The following DYSF variants were observed in gnomAD, a reference collection of about 807,000 sequenced individuals.
The protein encoded by DYSF is dysferlin, also known as dystrophy-associated fer-1-like 1.
Under a neutral mutation model 274.9 loss-of-function variants are expected in DYSF, and 212 were observed. The observed-to-expected ratio is 0.77, with a 90% CI of 0.69 to 0.86. DYSF has a LOEUF of 0.86. DYSF is among the 40% of genes least tolerant of loss of function. DYSF has a pLI of 0.00. For synonymous variants in DYSF, 1,091 were observed against 1,078.7 expected (o/e 1.01, Z -0.22); for missense variants, 2,666 against 2,783.2 (o/e 0.96, Z 0.95).
intron 14 of DYSF, among the ~76,000 whole-genome samples, chr2:71,533,084 A>G (rs1441686222): frequency 6.6e-6 from 1 of 152,080 alleles, no homozygotes; most frequent in Non-Finnish European, 1.5e-5. Context: ...CAGTGGTGCA[A>G]TCTCCGCTCA....
rs116329230 is a variant in DYSF at position 71,550,450 on chromosome 2, G to A, written c.1577-591G>A. On this transcript the variant is annotated intron_variant, in intron 17 of 55. Coordinates refer to ENST00000410020, the MANE Select transcript of DYSF (RefSeq NM_001130987.2). ...GGAGATTCTGGGATAAGGCAAGGCC[G>A]TTAGGGCAGAGGGTATGTGCCTGGG... is the stretch of plus-strand genomic sequence containing the variant. Among the ~76,000 whole-genome samples the A allele has an allele frequency of 9.5e-3, 1,453 of 152,310 alleles. 23 individuals carry two copies. Among genetic ancestry groups the A allele is most frequent in the African/African-American group, 0.033 (1,388 of 41,560 alleles).
chr2:71,648,261 A>T (rs2094598362), intron 42 of DYSF, among the ~76,000 whole-genome samples: 1 of 152,200 alleles, frequency 6.6e-6, no homozygotes, highest in African/African-American at 2.4e-5. Flanking sequence ...CAAAAATGAA[A>T]GTAGTCAAGG....
intron 3 of DYSF, among the ~76,000 whole-genome samples, chr2:71,484,044 C>T (rs1402461002): frequency 9.1e-6 from 1 of 109,932 alleles, no homozygotes; most frequent in East Asian, 3.3e-4. Flanking sequence ...GGGAGATTTC[C>T]CTTTTTTTTT....
At chr2:71,503,184 T>G (rs529198706) in intron 3 of DYSF, 30 bp from the exon 4 acceptor site, 108 of 1,609,130 alleles carry the variant, frequency 6.7e-5, no homozygotes, top group Admixed American at 5.3e-4. Flanking sequence ...TTAGGCTAGT[T>G]TTCTACATTT....
chr2:71,506,900 A>G (rs1232299980), intron 4 of DYSF, among the ~76,000 whole-genome samples: 1 of 152,108 alleles, frequency 6.6e-6, no homozygotes, highest in Non-Finnish European at 1.5e-5. Flanking sequence ...ATGGGCAGCT[A>G]GAAGACAGAC....
intron 3 of DYSF, among the ~76,000 whole-genome samples, chr2:71,490,658 T>C (rs1347086762): frequency 6.6e-6 from 1 of 152,240 alleles, no homozygotes; most frequent in Non-Finnish European, 1.5e-5. Context: ...TTTCCTAAGT[T>C]ATCTACAGGC....
Position 71,511,919 on chromosome 2 carries a change from C to G in DYSF, c.458C>G (p.Ala153Gly), listed in dbSNP as rs764206720. Residue 153 changes from alanine (A) to glycine (G), a missense_variant and splice_region_variant, in exon 5 of 56, where the codon GCA becomes GGA. Ala to Gly is a moderately conservative substitution (Grantham distance 60). Coordinates refer to ENST00000410020, the MANE Select transcript of DYSF (RefSeq NM_001130987.2). ...ACTCTGCCTGACCTGGATGTAGTGG[C>G]AGGTGGGTAGCCCACGTTGGCCTGG... is the stretch of plus-strand genomic sequence containing the variant. ...SPTLPDLDVV[A>G]GGGQSRAETW... is the part of the protein sequence containing the mutation. 1 of 1,544,924 alleles carries G rather than the reference C, an allele frequency of 6.5e-7. No homozygotes were observed. Among genetic ancestry groups the G allele is most frequent in the Admixed American group, 2.0e-5 (1 of 51,012 alleles).
chr2:71,534,747 G>A (rs1233128924), intron 14 of DYSF, among the ~76,000 whole-genome samples: 2 of 152,128 alleles, frequency 1.3e-5, no homozygotes, highest in Non-Finnish European at 2.9e-5. Flanking sequence ...TCAGCCAGAG[G>A]TGTGAGTTAA....
chr2:71,599,668 C>T (rs1426729862), intron 33 of DYSF, among the ~76,000 whole-genome samples: 6 of 152,214 alleles, frequency 3.9e-5, no homozygotes, highest in Admixed American at 3.9e-4. Context: ...GGAAGAGATC[C>T]ACTGGGCGCA....
rs781415745 is a variant in DYSF at position 71,664,374 on chromosome 2, G to A, written c.5110G>A (p.Asp1704Asn). Residue 1704 changes from aspartate to asparagine, a missense_variant, in exon 46 of 56, where the codon GAC becomes AAC. Coordinates refer to ENST00000410020, the MANE Select transcript of DYSF (RefSeq NM_001130987.2). ...CGAAAAGATCGGTGAGACGGTCGTC[G>A]ACCTGGAGAACAGGCTGCTGTCCAA... Reference protein sequence around the residue: ...KDEKIGETVVDLENRLLSKFG... With the variant: ...KDEKIGETVVNLENRLLSKFG... 1.2e-6 allele frequency: 2 copies of A among 1,614,028 alleles called. No individual in the cohort carries two copies. Among genetic ancestry groups the A allele is most frequent in the African/African-American group, 1.3e-5 (1 of 74,898 alleles).
chr2:71,525,191 T>C (rs559287892), intron 12 of DYSF, among the ~76,000 whole-genome samples: 88 of 152,236 alleles, frequency 5.8e-4, no homozygotes, highest in African/African-American at 2.0e-3. Context: ...GTGACCTGGG[T>C]TTCCCAGGTG....
intron 17 of DYSF, chr2:71,549,323 C>A: frequency 6.2e-7 from 1 of 1,610,612 alleles, no homozygotes; most frequent in Non-Finnish European, 8.5e-7. Context: ...CCCACCCTAA[C>A]CCCTTTTCCA....
intron 24 of DYSF, among the ~76,000 whole-genome samples, chr2:71,565,086 C>CA (rs1478678371): frequency 6.9e-6 from 1 of 145,418 alleles, no homozygotes; most frequent in Non-Finnish European, 1.5e-5. Flanking sequence ...TGCTCCTTAC[C>CA]TTTTTTTTTT....
At chr2:71,660,482 C>CA in intron 44 of DYSF, 78 bp from the exon 45 acceptor site, 1 of 1,276,456 alleles carries the variant, frequency 7.8e-7, no homozygotes, top group Non-Finnish European at 1.1e-6. Context: ...TCATCCCATC[C>CA]AGAGGCAAGG....
At chr2:71,487,903 T>G (rs903870820) in intron 3 of DYSF, among the ~76,000 whole-genome samples, 5 of 152,224 alleles carry the variant, frequency 3.3e-5, no homozygotes, top group African/African-American at 1.2e-4. Context: ...TGTTTATGTA[T>G]GTGATTATTG....
At chr2:71,570,796 G>C in intron 29 of DYSF, 55 bp downstream of exon 29, 17 of 1,608,510 alleles carry the variant, frequency 1.1e-5, no homozygotes, top group African/African-American at 5.3e-5. Flanking sequence ...GTGGCCAGTA[G>C]GCACAGATGC....
rs1482236272 is a variant in DYSF at position 71,599,895 on chromosome 2, A to G, written c.3757-807A>G. Among the ~76,000 whole-genome samples, 3 of 152,170 alleles carry G rather than the reference A, an allele frequency of 2.0e-5. No homozygotes were observed. In the East Asian group the frequency reaches 5.8e-4, roughly 29 times the overall value. ...TAAGCTGGCCTGGGCTGGGGATGCA[A>G]CGTTGGGGTGCTTGGAAGGAAAAGC... On this transcript the variant is annotated intron_variant, in intron 33 of 55. Coordinates refer to ENST00000410020, the MANE Select transcript of DYSF (RefSeq NM_001130987.2).
intron 3 of DYSF, among the ~76,000 whole-genome samples, chr2:71,489,174 T>C (rs2083604195): frequency 6.6e-6 from 1 of 152,168 alleles, no homozygotes; most frequent in East Asian, 1.9e-4. Flanking sequence ...AAATGTTAGT[T>C]CTGCACTGCT....
intron 43 of DYSF, among the ~76,000 whole-genome samples, chr2:71,656,529 G>C (rs1184777174): frequency 6.6e-6 from 1 of 152,188 alleles, no homozygotes; most frequent in East Asian, 1.9e-4. Flanking sequence ...TGGTGGTCAT[G>C]ATGGTGATTG....
Sources: allele counts gnomAD v4.1 joint callset (sites outside exome capture counted in the v4.1 genomes callset), GRCh38; gene constraint gnomAD v4.1.1; transcripts MANE v1.5; gene names NCBI Gene and HGNC (gene_info 2026-07-23, HGNC 2026-07-21).